The following ADAP1 variants were observed in gnomAD, a reference collection of about 807,000 sequenced individuals.
ADAP1 encodes arf-GAP with dual PH domain-containing protein 1.
A neutral mutation model predicts 54.9 loss-of-function variants in ADAP1; 31 were observed. The ratio of observed to expected loss-of-function variants is 0.56; its 90% CI spans 0.42 to 0.76. ADAP1 has a LOEUF of 0.76. Among genes scored for constraint, ADAP1 ranks in the 30% least tolerant of loss-of-function variants. The probability of loss-of-function intolerance (pLI) is 0.00; values close to 1 mark genes in which losing one functional copy is unlikely to be tolerated. For synonymous variants in ADAP1, 313 were observed against 202.6 expected, an observed-to-expected ratio of 1.55 and a Z score of -4.63; for missense variants, 535 against 512.4, an observed-to-expected ratio of 1.04 and a Z score of -0.42.
chr7:923,134 G>GAGCCTCC (rs1332839362), intron 3 of ADAP1: 2 of 152,116 alleles, frequency 1.3e-5, no homozygotes, highest in Non-Finnish European at 2.9e-5. Flanking sequence ...AAGCAGCCTT[G>GAGCCTCC]AGCCTCCAGC....
intron 4 of ADAP1, among the ~76,000 whole-genome samples, chr7:908,067 A>G (rs1365713102): frequency 6.6e-6 from 1 of 152,108 alleles, no homozygotes; most frequent in Non-Finnish European, 1.5e-5. Flanking sequence ...TGGGGACAGC[A>G]TCCCATCCTG....
At chr7:905,635 GGAAAGGAGAAAGGGAAAGGAGAAAGGA>G (rs1845188985) in intron 4 of ADAP1, 2 of 29,344 alleles carry the variant, frequency 6.8e-5, no homozygotes, top group African/African-American at 6.0e-4. Flanking sequence ...AAGGAGAAAG[GGAAAGGAGAAAGGGAAAGGAGAAAGGA>G]GAAAGGAGAA....
rs551931842 is a variant in ADAP1, at chr7:903,814, GCAGCCCCCACTGA to G, written c.648+299_648+311del. On this transcript the variant is annotated intron_variant, in intron 6 of 10. Coordinates refer to ENST00000265846, the MANE Select transcript of ADAP1 (RefSeq NM_006869.4). Reference sequence around the variant, plus strand: ...GCGGTGGATCCTCTAGCCCGAGCTGGCAGCCCCCACTGACAGGGCCAAGCTGGGTGGCCCCAGA... The same window carrying G: ...GCGGTGGATCCTCTAGCCCGAGCTGGCAGGGCCAAGCTGGGTGGCCCCAGA... 5.4e-5 allele frequency: 16 copies of G among 296,380 alleles called. No individual in the cohort carries two copies. In the East Asian group the frequency reaches 1.4e-3, roughly 25 times the overall value. The allele number at this position is 296,380 out of a possible 1,614,324, so 18.4% of individuals were successfully genotyped here.
chr7:940,008 G>A (rs753120319), intron 1 of ADAP1, among the ~76,000 whole-genome samples: 30 of 152,004 alleles, frequency 2.0e-4, no homozygotes, highest in Non-Finnish European at 1.8e-4. Context: ...AACCTGTCCC[G>A]ACCTCTTGCA....
In ADAP1 at chr7:900,436, C is replaced by A. The variant is rs1271115028; in HGVS notation, c.732+97G>T. ...GGCCAGTCCCAGGCCCACCCTAGGG[C>A]TCAACATCATCCCAGACTCAGGGCA... On this transcript the variant is annotated intron_variant, in intron 7 of 10. Transcript: ENST00000265846. 18 of 1,336,176 alleles carry A rather than the reference C, an allele frequency of 1.3e-5. No individual in the cohort carries two copies. In the East Asian group the frequency reaches 4.5e-4, roughly 34 times the overall value. The allele number at this position is 1,336,176 out of a possible 1,614,324, so 82.8% of individuals were successfully genotyped here.
At chr7:913,152 T>C (rs10951076) in intron 4 of ADAP1, among the ~76,000 whole-genome samples, 57,537 of 151,072 alleles carry the variant, frequency 0.38, 11,816 homozygotes, top group Middle Eastern at 0.54. Context: ...CCTTCTTTTG[T>C]ATTAACTGGA....
At chr7:935,655 G>GGC in intron 1 of ADAP1, 150 bp from the exon 2 acceptor site, 1 of 1,001,642 alleles carries the variant, frequency 1.0e-6, no homozygotes, top group South Asian at 1.7e-5. Context: ...GCGCCCCACA[G>GGC]GCACCTAACC....
At chr7:935,077 G>C in intron 2 of ADAP1, 1 of 545,188 alleles carries the variant, frequency 1.8e-6, no homozygotes. Flanking sequence ...GGATTTGAGG[G>C]GAGCACTCCG....
At chr7:899,522 G>C (rs774190579) in intron 8 of ADAP1, 32 bp from the exon 9 acceptor site, 1 of 1,605,010 alleles carries the variant, frequency 6.2e-7, no homozygotes, top group East Asian at 2.2e-5. Flanking sequence ...TGACCGGCAG[G>C]TCGCCGAGGC....
intron 1 of ADAP1, among the ~76,000 whole-genome samples, chr7:944,718 A>G (rs1302775914): frequency 6.6e-6 from 1 of 152,200 alleles, no homozygotes; most frequent in African/African-American, 2.4e-5. Flanking sequence ...TTGTGTTACA[A>G]ACAATCCAAT....
At chr7:900,855 G>A (rs1046115930) in intron 6 of ADAP1, 125 of 610,840 alleles carry the variant, frequency 2.0e-4, no homozygotes, top group South Asian at 1.1e-3. Flanking sequence ...CTCCCCCGGC[G>A]AAGTCCTGAG....
chr7:914,634 T>C (rs185004038), intron 4 of ADAP1, among the ~76,000 whole-genome samples: 2 of 152,140 alleles, frequency 1.3e-5, no homozygotes, highest in Admixed American at 1.3e-4. Flanking sequence ...TGCTCCCTCA[T>C]CCATCCAGCA....
At chr7:918,070 G>A (rs1846007526) in intron 4 of ADAP1, among the ~76,000 whole-genome samples, 1 of 152,152 alleles carries the variant, frequency 6.6e-6, no homozygotes, top group African/African-American at 2.4e-5. Flanking sequence ...GGGATTACAG[G>A]TGTGCGCCAA....
chr7:899,480 C>T lies in ADAP1; in HGVS notation c.806G>A (p.Gly269Asp). 1 of 1,613,012 alleles carries T rather than the reference C, an allele frequency of 6.2e-7. No homozygotes were observed. The highest frequency in any genetic ancestry group is 1.1e-5 in the South Asian group (1 of 91,064). The change falls in exon 9 of 11, where the codon GGC (glycine) becomes GAC (aspartate). Residue 269 changes from glycine to aspartate, a missense_variant. Physicochemically the swap from Gly to Asp is moderately conservative, Grantham distance 94. Transcript: ENST00000265846. ...CATGGTGAACCAGCGCTTCCGGAAG[C>T]CTTCCGTTTGCTGTGGGTCAGAGAG... Reference protein sequence around the residue: ...MEKTGPKQTEGFRKRWFTMDD... With the variant: ...MEKTGPKQTEDFRKRWFTMDD...
chr7:908,057 T>C (rs1302049884), intron 4 of ADAP1, among the ~76,000 whole-genome samples: 1 of 152,114 alleles, frequency 6.6e-6, no homozygotes, highest in Non-Finnish European at 1.5e-5. Flanking sequence ...AGCACTTGCT[T>C]GGGGACAGCA....
At chr7:905,799 A>AGAAAGGAGAAAGGAGAAAGG in intron 4 of ADAP1, among the ~76,000 whole-genome samples, 1 of 42,194 alleles carries the variant, frequency 2.4e-5, no homozygotes. Flanking sequence ...AGGAGAAAGG[A>AGAAAGGAGAAAGGAGAAAGG]GAAAGGAGAA....
At chr7:949,825 G>A (rs1017779864) in intron 1 of ADAP1, among the ~76,000 whole-genome samples, 1 of 152,262 alleles carries the variant, frequency 6.6e-6, no homozygotes, top group Non-Finnish European at 1.5e-5. Flanking sequence ...CAGGAAGCGG[G>A]CACGTGTGAC....
chr7:955,335 T>C (rs1443233025), upstream of ADAP1: 1 of 1,550,362 alleles, frequency 6.5e-7, no homozygotes, highest in Admixed American at 2.0e-5. Context: ...CACCCCAGCA[T>C]CTTTTCAAAT....
intron 4 of ADAP1, among the ~76,000 whole-genome samples, chr7:910,245 A>G (rs1845668703): frequency 6.6e-6 from 1 of 151,746 alleles, no homozygotes; most frequent in South Asian, 2.1e-4. Context: ...CAGCCTTCAC[A>G]TAAAGCCCAC....
Sources: gnomAD v4.1 joint callset for allele counts (sites outside exome capture counted in the v4.1 genomes callset) on GRCh38, gnomAD v4.1.1 for gene constraint, MANE v1.5 for transcripts, NCBI Gene and HGNC (gene_info 2026-07-23, HGNC 2026-07-21) for gene names.